The following ARHGEF10 variants were observed in gnomAD, a reference collection of about 807,000 sequenced individuals.
The protein encoded by ARHGEF10 is Rho guanine nucleotide exchange factor (GEF) 10.
In ARHGEF10, 140 loss-of-function variants were observed where a neutral mutation model predicts 147.4. That is an observed-to-expected ratio of 0.95 (90% CI 0.83 to 1.09). The LOEUF (loss-of-function observed/expected upper bound fraction) is 1.09. Among genes scored for constraint, ARHGEF10 ranks in the 50% least tolerant of loss-of-function variants. The pLI is 0.00. For missense variants in ARHGEF10, 2,222 were observed against 1,752.7 expected, an observed-to-expected ratio of 1.27 and a Z score of -4.78; for synonymous variants, 902 against 695.8, an observed-to-expected ratio of 1.30 and a Z score of -4.67.
intron 13 of ARHGEF10, among the ~76,000 whole-genome samples, chr8:1,896,058 T>C (rs1809944505): frequency 6.6e-6 from 1 of 152,160 alleles, no homozygotes; most frequent in African/African-American, 2.4e-5. Context: ...TCTGTAGTCA[T>C]GAACATTCTT....
At chr8:1,934,348 T>A (rs1813397906) in intron 26 of ARHGEF10, among the ~76,000 whole-genome samples, 1 of 81,758 alleles carries the variant, frequency 1.2e-5, no homozygotes, top group Non-Finnish European at 2.4e-5. Flanking sequence ...AACAAGACCC[T>A]GTCTCCAAAA....
intron 11 of ARHGEF10, among the ~76,000 whole-genome samples, chr8:1,886,331 G>A (rs931252643): frequency 3.9e-5 from 6 of 152,160 alleles, no homozygotes; most frequent in African/African-American, 1.2e-4. Flanking sequence ...GCAGCGAGGT[G>A]CAAATCATGG....
chr8:1,841,883 GGCCGCGGCGGGAAC>G lies in ARHGEF10; in HGVS notation c.-47-1469_-47-1456del, dbSNP rs1420456834. On this transcript the variant is annotated intron_variant, in intron 1 of 28. Transcript: ENST00000349830. ...GAACTGGGGCCGCGGCGGGAACTGG[GGCCGCGGCGGGAAC>G]TGGGGCCGCGGCGGGAACTGGGGCC... is the stretch of plus-strand genomic sequence containing the variant. 5.1e-3 allele frequency among the ~76,000 whole-genome samples: 598 copies of G among 118,032 alleles called. 43 individuals are homozygous for G. Among genetic ancestry groups the G allele is most frequent in the African/African-American group, 0.018 (556 of 30,628 alleles). 77.4% of individuals were successfully genotyped at this position (118,032 alleles called of 152,430 possible).
In ARHGEF10 at chr8:1,957,220, C is replaced by T. The variant is rs142550609; in HGVS notation, c.3992C>T (p.Ala1331Val). 83 of 1,611,808 alleles carry T rather than the reference C, an allele frequency of 5.1e-5. No individual in the cohort carries two copies. In the African/African-American group the frequency reaches 7.6e-4, roughly 15 times the overall value. The change falls in exon 29 of 29, where the codon GCG becomes GTG. Residue 1331 changes from alanine (A) to valine (V), a missense_variant. Transcript: ENST00000349830. ...KARQPHQEELAPTVMVWQIPL... is the reference protein window; with the variant it reads ...KARQPHQEELVPTVMVWQIPL... ...CGGCAGCCCCACCAGGAAGAGCTGG[C>T]GCCGACCGTCATGGTCTGGCAGATC...
chr8:1,834,482 A>G (rs1211332769), intron 1 of ARHGEF10, among the ~76,000 whole-genome samples: 1 of 152,158 alleles, frequency 6.6e-6, no homozygotes, highest in Non-Finnish European at 1.5e-5. Flanking sequence ...ACTCAGTCAC[A>G]GCTGCGCTCT....
chr8:1,903,221 C>T, intron 15 of ARHGEF10, 60 bp from the exon 16 acceptor site: 1 of 1,596,738 alleles, frequency 6.3e-7, no homozygotes, highest in Non-Finnish European at 8.6e-7. Flanking sequence ...GGTGACGCGA[C>T]TGTTGTTGCA....
At chr8:1,899,970 A>G (rs1810321417) in intron 15 of ARHGEF10, among the ~76,000 whole-genome samples, 1 of 152,232 alleles carries the variant, frequency 6.6e-6, no homozygotes, top group South Asian at 2.1e-4. Context: ...CCCTGTGTTT[A>G]GCGATGCGCC....
rs1318953073 is a variant in ARHGEF10 at position 1,957,910 on chromosome 8, A to T, written c.*647A>T. The T allele has an allele frequency of 6.6e-6, 1 of 152,358 alleles. No individual in the cohort carries two copies. The highest frequency in any genetic ancestry group is 2.4e-5 in the African/African-American group (1 of 41,468). The allele number at this position is 152,358 out of a possible 1,614,324, so 9.4% of individuals were successfully genotyped here. On this transcript the variant is annotated 3_prime_UTR_variant, in exon 29 of 29. Coordinates refer to ENST00000349830, the MANE Select transcript of ARHGEF10 (RefSeq NM_014629.4). ...ATTGCATTTTTCTATTAAAAAATTA[A>T]CAGTTAATGTTTCAGTCAATGTATT...
intron 24 of ARHGEF10, 76 bp from the exon 25 acceptor site, chr8:1,929,210 T>C: frequency 6.8e-7 from 1 of 1,480,030 alleles, no homozygotes; most frequent in Non-Finnish European, 9.4e-7. Context: ...GAAATGTTTG[T>C]GTTTATGTTA....
chr8:1,841,515 G>A (rs892678346), intron 1 of ARHGEF10, among the ~76,000 whole-genome samples: 3 of 152,134 alleles, frequency 2.0e-5, no homozygotes, highest in African/African-American at 7.2e-5. Context: ...GGTGTCCAGA[G>A]CAGCATCACC....
intron 17 of ARHGEF10, 106 bp downstream of exon 17, chr8:1,905,822 T>A (rs564343080): frequency 9.7e-6 from 14 of 1,441,840 alleles, no homozygotes; most frequent in Non-Finnish European, 1.3e-5. Context: ...CTGAACTGGT[T>A]TTTTGTGCCA....
chr8:1,946,060 A>AG lies in ARHGEF10; in HGVS notation c.3397+407dup, dbSNP rs1044833138. 6.2e-5 allele frequency: 22 copies of AG among 355,438 alleles called. 1 individual carries two copies. Among genetic ancestry groups the AG allele is most frequent in the South Asian group, 3.1e-4 (12 of 38,704 alleles). The allele number at this position is 355,438 out of a possible 1,614,324, so 22.0% of individuals were successfully genotyped here. Reference sequence around the variant, plus strand: ...TTTGGCTGGGAGGGCTGTTGGGGAGAGGCCAACAGAGGCCTATGTTTGTGA... The same window carrying AG: ...TTTGGCTGGGAGGGCTGTTGGGGAGAGGGCCAACAGAGGCCTATGTTTGTGA... On this transcript the variant is annotated intron_variant, in intron 27 of 28. Coordinates refer to ENST00000349830, the MANE Select transcript of ARHGEF10 (RefSeq NM_014629.4).
chr8:1,878,503 C>G (rs558014630), intron 8 of ARHGEF10, among the ~76,000 whole-genome samples: 2 of 152,178 alleles, frequency 1.3e-5, no homozygotes, highest in African/African-American at 2.4e-5. Context: ...TAGTTTTTAA[C>G]AGCTGATAAC....
At chr8:1,880,617 C>A (rs1195128500) in intron 9 of ARHGEF10, among the ~76,000 whole-genome samples, 1 of 151,970 alleles carries the variant, frequency 6.6e-6, no homozygotes, top group Admixed American at 6.6e-5. Flanking sequence ...TACATAAAAC[C>A]CTGGTAAACA....
intron 1 of ARHGEF10, among the ~76,000 whole-genome samples, chr8:1,828,389 C>G (rs77368753): frequency 6.6e-6 from 1 of 151,724 alleles, no homozygotes; most frequent in South Asian, 2.1e-4. Flanking sequence ...TTTGATAAAC[C>G]GTGGCATGCA....
intron 11 of ARHGEF10, among the ~76,000 whole-genome samples, chr8:1,889,816 GGGTTTGTGAGAAGACACTAGGTGGGGTGA>G (rs1272523238): frequency 7.2e-6 from 1 of 138,406 alleles, no homozygotes; most frequent in Non-Finnish European, 1.5e-5. Context: ...CATGGGAGGA[GGGTTTGTGAGAAGACACTAGGTGGGGTGA>G]GGTTTGTGAG....
At chr8:1,857,216 G>T (rs527478981) in intron 2 of ARHGEF10, among the ~76,000 whole-genome samples, 4 of 152,168 alleles carry the variant, frequency 2.6e-5, no homozygotes, top group African/African-American at 9.7e-5. Flanking sequence ...AATTAAAATT[G>T]TAAATAAGAG....
chr8:1,938,263 G>A (rs4375045), intron 26 of ARHGEF10, among the ~76,000 whole-genome samples: 1,783 of 152,308 alleles, frequency 0.012, 9 homozygotes, highest in Middle Eastern at 0.027. Context: ...GGGATCTGAC[G>A]TCTGACGTTT....
At position 1,952,710 on chromosome 8, in the gene ARHGEF10, C is replaced by G. The variant is rs1247541532; in HGVS notation, c.3403C>G (p.Gln1135Glu). 1 of 1,612,914 alleles carries G rather than the reference C, an allele frequency of 6.2e-7. No individual in the cohort carries two copies. Among genetic ancestry groups the G allele is most frequent in the Non-Finnish European group, 8.5e-7 (1 of 1,179,916 alleles). Reference protein sequence around the residue: ...TPVHNMLPGHQRLSVTSLLVC... With the variant: ...TPVHNMLPGHERLSVTSLLVC... The stretch of plus-strand genomic sequence containing the variant: ...ACTCATGTCTTTCCGCCCAGGGCAC[C>G]AGCGGCTGTCGGTGACGAGCCTGCT... Residue 1135 changes from glutamine to glutamate, a missense_variant, in exon 28 of 29, where the codon CAG becomes GAG. Physicochemically the swap from Gln to Glu is conservative, Grantham distance 29. Coordinates refer to ENST00000349830, the MANE Select transcript of ARHGEF10 (RefSeq NM_014629.4).
Sources: gnomAD v4.1 joint callset for allele counts (sites outside exome capture counted in the v4.1 genomes callset) on GRCh38, gnomAD v4.1.1 for gene constraint, MANE v1.5 for transcripts, NCBI Gene and HGNC (gene_info 2026-07-23, HGNC 2026-07-21) for gene names.